OXCT1: variants seen among roughly 807,000 people sequenced by gnomAD.
The protein encoded by OXCT1 is 3-oxoacid CoA-transferase 1, also known as succinyl-CoA:3-ketoacid coenzyme A transferase 1, mitochondrial.
A neutral mutation model predicts 69.6 loss-of-function variants in OXCT1; 27 were observed. The observed-to-expected ratio is 0.39, with a 90% CI of 0.29 to 0.54. The LOEUF is 0.54. Ranked by LOEUF, OXCT1 falls within the 20% of genes least tolerant of loss-of-function variation. OXCT1 has a pLI of 0.72. For synonymous variants in OXCT1, 202 were observed against 217.8 expected (o/e 0.93, Z 0.64); for missense variants, 437 against 650.2 (o/e 0.67, Z 3.57).
At chr5:41,737,909 G>A (rs193184080) in intron 16 of OXCT1, among the ~76,000 whole-genome samples, 1,822 of 152,260 alleles carry the variant, frequency 0.012, 14 homozygotes, top group Non-Finnish European at 0.019. Context: ...CAAAAAATTA[G>A]CCGGGCGTGG....
chr5:41,730,282 T>C lies in OXCT1; in HGVS notation c.*1447A>G, dbSNP rs942264222. 6.6e-6 allele frequency: 1 copy of C among 152,244 alleles called. No individual in the cohort carries two copies. The highest frequency in any genetic ancestry group is 2.4e-5 in the African/African-American group (1 of 41,470). The allele number at this position is 152,244 out of a possible 1,614,324, so 9.4% of individuals were successfully genotyped here. A position where few individuals can be genotyped will look rare whatever the true frequency, so the allele number is the denominator to read the frequency against. ...TTGCACATTCTAAGAAGGGTCATTT[T>C]TTCCCCCCAGTACTGGGAAGGTATG... is the stretch of plus-strand genomic sequence containing the variant. On this transcript the variant is annotated 3_prime_UTR_variant, in exon 17 of 17. Transcript: ENST00000196371.
intron 15 of OXCT1, among the ~76,000 whole-genome samples, chr5:41,745,944 G>A (rs1743463193): frequency 6.6e-6 from 1 of 152,058 alleles, no homozygotes; most frequent in Non-Finnish European, 1.5e-5. Flanking sequence ...GGACCAGATG[G>A]ATTCACAGCC....
chr5:41,793,966 A>T (rs1276489440), intron 13 of OXCT1, 37 bp downstream of exon 13: 7 of 1,211,408 alleles, frequency 5.8e-6, no homozygotes, highest in Non-Finnish European at 8.6e-6. Flanking sequence ...AATTATTCTG[A>T]TCCAAACATA....
intron 7 of OXCT1, among the ~76,000 whole-genome samples, chr5:41,808,726 G>GAATC (rs1201496230): frequency 6.6e-6 from 1 of 152,012 alleles, no homozygotes; most frequent in East Asian, 1.9e-4. Flanking sequence ...TCCTCCCCTT[G>GAATC]AAAACTCTGT....
At chr5:41,773,892 A>G (rs1320714328) in intron 13 of OXCT1, among the ~76,000 whole-genome samples, 2 of 152,170 alleles carry the variant, frequency 1.3e-5, no homozygotes, top group Non-Finnish European at 2.9e-5. Context: ...ATCCCTGTGA[A>G]TAAAAACCCT....
At chr5:41,805,392 T>C (rs4957425) in intron 9 of OXCT1, among the ~76,000 whole-genome samples, 175 bp downstream of exon 9, 1,996 of 151,952 alleles carry the variant, frequency 0.013, 96 homozygotes, top group South Asian at 0.079. Flanking sequence ...GTCATGTATC[T>C]TGACACCTTT....
intron 11 of OXCT1, 117 bp from the exon 12 acceptor site, chr5:41,794,866 A>C (rs1746100701): frequency 9.7e-6 from 10 of 1,035,410 alleles, no homozygotes; most frequent in Non-Finnish European, 1.5e-5. Context: ...CTTTACCAAA[A>C]TGCAGTGACA....
chr5:41,858,381 C>G (rs1339601977), intron 3 of OXCT1, among the ~76,000 whole-genome samples: 4 of 152,222 alleles, frequency 2.6e-5, no homozygotes, highest in African/African-American at 9.6e-5. Context: ...AAATGGGGAA[C>G]ATATCATTTC....
rs1408048817 is a variant in OXCT1 at position 41,862,685 on chromosome 5, T to C, written c.144A>G (p.Glu48=). The change falls in exon 2 of 17, where the codon GAA becomes GAG. Residue 48 remains glutamate, a synonymous_variant. Transcript: ENST00000196371. The part of the protein sequence containing the change: ...RHTKFYTDPV[E]AVKDIPDGAT... ...CACCATCAGGGATGTCTTTTACAGC[T>C]TCTACTGGATCTGTATAAAACTTGG... The C allele has an allele frequency of 1.2e-6, 2 of 1,613,344 alleles. No homozygotes were observed. Among genetic ancestry groups the C allele is most frequent in the East Asian group, 4.5e-5 (2 of 44,824 alleles).
chr5:41,794,139 C>G, intron 12 of OXCT1, 61 bp from the exon 13 acceptor site: 1 of 1,250,038 alleles, frequency 8.0e-7, no homozygotes, highest in Non-Finnish European at 1.2e-6. Flanking sequence ...TTTGCTTGAA[C>G]TTGCCAGCAA....
Position 41,818,428 on chromosome 5 carries a change from TATTCTGTGGA to T in OXCT1, c.733-11000_733-10991del, listed in dbSNP as rs1362886841. 2.0e-5 allele frequency among the ~76,000 whole-genome samples: 3 copies of T among 152,312 alleles called. No individual in the cohort carries two copies. In the East Asian group the frequency reaches 5.8e-4, roughly 29 times the overall value. On this transcript the variant is annotated intron_variant, in intron 7 of 16. Coordinates refer to ENST00000196371, the MANE Select transcript of OXCT1 (RefSeq NM_000436.4). Reference sequence around the variant, plus strand: ...CATTGCATCAGAAGTTCAAAATTTTTATTCTGTGGAATGAGGAACCTAATTTTGGAAAAGC... The same window carrying T: ...CATTGCATCAGAAGTTCAAAATTTTTATGAGGAACCTAATTTTGGAAAAGC...
chr5:41,817,009 T>C (rs1214731423), intron 7 of OXCT1, among the ~76,000 whole-genome samples: 2 of 152,226 alleles, frequency 1.3e-5, no homozygotes, highest in Non-Finnish European at 2.9e-5. Flanking sequence ...GACTGAAATC[T>C]ACCATGAGTA....
chr5:41,784,619 T>C (rs1407603299), intron 13 of OXCT1, among the ~76,000 whole-genome samples: 2 of 152,216 alleles, frequency 1.3e-5, no homozygotes, highest in East Asian at 1.9e-4. Context: ...GTAATTCCAC[T>C]TCTCTTTTCA....
At chr5:41,848,415 A>G (rs984352441) in intron 5 of OXCT1, among the ~76,000 whole-genome samples, 14 of 149,354 alleles carry the variant, frequency 9.4e-5, no homozygotes, top group African/African-American at 3.4e-4. Context: ...CTTTCTTCAC[A>G]GAATTGGAAA....
At chr5:41,790,077 A>G (rs566396136) in intron 13 of OXCT1, among the ~76,000 whole-genome samples, 34 of 152,314 alleles carry the variant, frequency 2.2e-4, no homozygotes, top group Non-Finnish European at 4.3e-4. Context: ...AAACACCAAA[A>G]GTGTCCCATT....
At chr5:41,779,735 C>A (rs1745304162) in intron 13 of OXCT1, among the ~76,000 whole-genome samples, 1 of 151,070 alleles carries the variant, frequency 6.6e-6, no homozygotes, top group African/African-American at 2.4e-5. Flanking sequence ...AGTTACCTGG[C>A]CACCAAGAAA....
At chr5:41,835,298 C>T (rs1748296609) in intron 7 of OXCT1, among the ~76,000 whole-genome samples, 1 of 152,016 alleles carries the variant, frequency 6.6e-6, no homozygotes, top group South Asian at 2.1e-4. Flanking sequence ...TCTGAACAGC[C>T]CAATAATCAT....
intron 15 of OXCT1, among the ~76,000 whole-genome samples, chr5:41,741,139 A>T (rs1484932237): frequency 6.6e-6 from 1 of 152,012 alleles, no homozygotes; most frequent in Non-Finnish European, 1.5e-5. Context: ...TTTAGTAGAG[A>T]TGAGGTTTTA....
intron 7 of OXCT1, among the ~76,000 whole-genome samples, chr5:41,836,331 A>G (rs1331490500): frequency 6.6e-6 from 1 of 152,240 alleles, no homozygotes; most frequent in Non-Finnish European, 1.5e-5. Flanking sequence ...ACCTAGGTCC[A>G]TAAGAGGGGT....
Sources: gnomAD v4.1 joint callset for allele counts (sites outside exome capture counted in the v4.1 genomes callset) on GRCh38, gnomAD v4.1.1 for gene constraint, MANE v1.5 for transcripts, NCBI Gene and HGNC (gene_info 2026-07-23, HGNC 2026-07-21) for gene names.